The following CENPU variants were observed in gnomAD, a reference collection of about 807,000 sequenced individuals.
The protein encoded by CENPU is centromere protein U.
In CENPU, 46 loss-of-function variants were observed where a neutral mutation model predicts 56.7. That is an observed-to-expected ratio of 0.81 (90% CI 0.64 to 1.04). CENPU has a LOEUF of 1.04. CENPU is among the 50% of genes least tolerant of loss of function. The probability of loss-of-function intolerance (pLI) is 0.00; values close to 1 mark genes in which losing one functional copy is unlikely to be tolerated. For synonymous variants in CENPU, 166 were observed against 163.0 expected (o/e 1.02, Z -0.14); for missense variants, 510 against 490.1 (o/e 1.04, Z -0.38).
intron 4 of CENPU, among the ~76,000 whole-genome samples, chr4:184,721,654 A>C (rs890804290): frequency 6.6e-6 from 1 of 152,204 alleles, no homozygotes; most frequent in African/African-American, 2.4e-5. Context: ...AGAAGAGACA[A>C]AGAAGGTCAC....
At chr4:184,705,380 T>C (rs1411480808) in intron 8 of CENPU, among the ~76,000 whole-genome samples, 3 of 152,114 alleles carry the variant, frequency 2.0e-5, no homozygotes, top group East Asian at 3.9e-4. Flanking sequence ...ATGATAGAAA[T>C]GGAGAACGGG....
intron 10 of CENPU, among the ~76,000 whole-genome samples, chr4:184,701,676 G>A (rs1375984327): frequency 6.6e-6 from 1 of 152,082 alleles, no homozygotes; most frequent in Non-Finnish European, 1.5e-5. Flanking sequence ...TTCTTCCCAG[G>A]CTGTCCTACC....
chr4:184,712,863 C>G (rs1760969555), intron 7 of CENPU, 81 bp downstream of exon 7: 3 of 970,948 alleles, frequency 3.1e-6, no homozygotes, highest in Non-Finnish European at 4.7e-6. Flanking sequence ...CAATTTACTA[C>G]TATAACAAAT....
intron 11 of CENPU, 61 bp from the exon 12 acceptor site, chr4:184,697,864 T>C: frequency 1.5e-6 from 2 of 1,359,916 alleles, no homozygotes; most frequent in East Asian, 2.3e-5. Flanking sequence ...GAAACTGAGG[T>C]TGTAAGTACG....
rs73874440 is a variant in CENPU, at chr4:184,731,554, A to T, written c.48-586T>A. Among the ~76,000 whole-genome samples, 1,098 of 152,358 alleles carry T rather than the reference A, an allele frequency of 7.2e-3. 12 individuals carry two copies. The highest frequency in any genetic ancestry group is 0.025 in the African/African-American group (1,041 of 41,578). On this transcript the variant is annotated intron_variant, in intron 1 of 12. Coordinates refer to ENST00000281453, the MANE Select transcript of CENPU (RefSeq NM_024629.4). ...AGAAAACAAATGTAACAATGGTGAC[A>T]AGAATAAAAACGGGAAATAACAGTG... is the stretch of plus-strand genomic sequence containing the variant.
chr4:184,707,610 G>C (rs1760771752), intron 8 of CENPU, among the ~76,000 whole-genome samples: 1 of 152,122 alleles, frequency 6.6e-6, no homozygotes, highest in Admixed American at 6.5e-5. Context: ...TGTTTTGTGA[G>C]ATGAGTCGCT....
At chr4:184,701,433 T>C (rs1033355126) in intron 10 of CENPU, among the ~76,000 whole-genome samples, 3 of 152,164 alleles carry the variant, frequency 2.0e-5, no homozygotes, top group African/African-American at 7.2e-5. Flanking sequence ...GGAAAACGTA[T>C]GTATTTCAAG....
chr4:184,731,946 C>T (rs959352398), intron 1 of CENPU, among the ~76,000 whole-genome samples: 2 of 147,426 alleles, frequency 1.4e-5, no homozygotes, highest in Admixed American at 6.8e-5. Context: ...CTAAATACTA[C>T]AATATGTCTT....
chr4:184,694,327 A>G lies in CENPU; in HGVS notation c.*961T>C, dbSNP rs999102167. 5 of 1,351,520 alleles carry G rather than the reference A, an allele frequency of 3.7e-6. No individual in the cohort carries two copies. The African/African-American group carries it at 5.8e-5, about 16-fold the overall frequency. The allele number at this position is 1,351,520 out of a possible 1,614,324, so 83.7% of individuals were successfully genotyped here. The stretch of plus-strand genomic sequence containing the variant: ...AAATTTGGAGTTTCAAGTGTGTCTG[A>G]GCTTCAGTGCAGCAACGTTTGAATC... On this transcript the variant is annotated 3_prime_UTR_variant, in exon 13 of 13. Transcript: ENST00000281453.
chr4:184,727,335 A>G (rs62339922), intron 3 of CENPU, among the ~76,000 whole-genome samples: 27,145 of 152,098 alleles, frequency 0.18, 3,595 homozygotes, highest in East Asian at 0.71. Context: ...GAAAGATGAA[A>G]AAGTTCTGGA....
At chr4:184,724,528 G>A (rs1761392527) in intron 4 of CENPU, among the ~76,000 whole-genome samples, 1 of 152,234 alleles carries the variant, frequency 6.6e-6, no homozygotes, top group East Asian at 1.9e-4. Context: ...TCAAACCAAT[G>A]CACTTCAGGG....
chr4:184,704,611 A>T (rs1001956456), intron 8 of CENPU, among the ~76,000 whole-genome samples: 1 of 152,120 alleles, frequency 6.6e-6, no homozygotes, highest in African/African-American at 2.4e-5. Flanking sequence ...CCACCTTAAT[A>T]AGTAAATTCT....
At position 184,694,956 on chromosome 4, in the gene CENPU, A is replaced by G; in HGVS notation, c.*332T>C. On this transcript the variant is annotated 3_prime_UTR_variant, in exon 13 of 13. Coordinates refer to ENST00000281453, the MANE Select transcript of CENPU (RefSeq NM_024629.4). The stretch of plus-strand genomic sequence containing the variant: ...TAAAAATTAGCTTTGGTGTAAATTC[A>G]GGAGAAATCGCCTTATTAATTAATC... 2 of 587,108 alleles carry G rather than the reference A, an allele frequency of 3.4e-6. No homozygotes were observed. The highest frequency in any genetic ancestry group is 2.4e-5 in the South Asian group (1 of 41,268). 36.4% of individuals were successfully genotyped at this position (587,108 alleles called of 1,614,324 possible). A position where few individuals can be genotyped will look rare whatever the true frequency, so the allele number is the denominator to read the frequency against.
chr4:184,708,151 G>A (rs1044249158), intron 8 of CENPU, among the ~76,000 whole-genome samples: 15 of 151,440 alleles, frequency 9.9e-5, no homozygotes, highest in Non-Finnish European at 2.1e-4. Context: ...TTGAACCTGG[G>A]AGGTGGAAGT....
At chr4:184,705,388 GGGTTAGT>G (rs1760691000) in intron 8 of CENPU, among the ~76,000 whole-genome samples, 1 of 151,912 alleles carries the variant, frequency 6.6e-6, no homozygotes, top group Non-Finnish European at 1.5e-5. Context: ...AATGGAGAAC[GGGTTAGT>G]GGTTTCCAGG....
At chr4:184,728,712 C>T (rs3796689) in intron 3 of CENPU, among the ~76,000 whole-genome samples, 1 of 151,926 alleles carries the variant, frequency 6.6e-6, no homozygotes, top group Non-Finnish European at 1.5e-5. Context: ...TACTACTAGA[C>T]GAGTGCCGCT....
At chr4:184,700,403 T>C (rs756250909) in intron 11 of CENPU, among the ~76,000 whole-genome samples, 16 of 152,226 alleles carry the variant, frequency 1.1e-4, no homozygotes, top group South Asian at 2.1e-4. Flanking sequence ...CTGTGAAGTA[T>C]AGGTATGATT....
At chr4:184,726,587 A>G (rs893934460) in intron 3 of CENPU, among the ~76,000 whole-genome samples, 8 of 152,198 alleles carry the variant, frequency 5.3e-5, no homozygotes, top group African/African-American at 1.9e-4. Context: ...ATTCCTGAAA[A>G]TATAAAATAT....
chr4:184,723,260 G>A (rs1761337759), intron 4 of CENPU, among the ~76,000 whole-genome samples: 3 of 152,078 alleles, frequency 2.0e-5, no homozygotes, highest in Admixed American at 2.0e-4. Flanking sequence ...GCTGCCTTTT[G>A]TAGACAAAAA....
Sources: allele counts gnomAD v4.1 joint callset (sites outside exome capture counted in the v4.1 genomes callset), GRCh38; gene constraint gnomAD v4.1.1; transcripts MANE v1.5; gene names NCBI Gene and HGNC (gene_info 2026-07-23, HGNC 2026-07-21).